MCC: variants seen among roughly 807,000 people sequenced by gnomAD.
The protein encoded by MCC is colorectal mutant cancer protein.
Under a neutral mutation model 116.2 loss-of-function variants are expected in MCC, and 90 were observed. The observed-to-expected ratio is 0.77, with a 90% CI of 0.65 to 0.92. The LOEUF (loss-of-function observed/expected upper bound fraction) is 0.92. Ranked by LOEUF, MCC falls within the 40% of genes least tolerant of loss-of-function variation. The pLI, the probability that MCC is intolerant of heterozygous loss-of-function variation, is 0.00. For missense variants in MCC, 1,516 were observed against 1,312.2 expected, an observed-to-expected ratio of 1.16 and a Z score of -2.40; for synonymous variants, 578 against 510.5, an observed-to-expected ratio of 1.13 and a Z score of -1.78.
intron 1 of MCC, among the ~76,000 whole-genome samples, chr5:113,464,232 A>G (rs1771834866): frequency 6.6e-6 from 1 of 152,208 alleles, no homozygotes; most frequent in Non-Finnish European, 1.5e-5. Context: ...AGAATCAAGC[A>G]GGAAACTCAA....
At chr5:113,047,573 C>T (rs1752179026) in intron 16 of MCC, among the ~76,000 whole-genome samples, 1 of 152,284 alleles carries the variant, frequency 6.6e-6, no homozygotes, top group Non-Finnish European at 1.5e-5. Context: ...GTATATGGCT[C>T]TCCTGGAGAC....
chr5:113,404,524 T>C (rs1274947152), intron 1 of MCC, among the ~76,000 whole-genome samples: 1 of 152,204 alleles, frequency 6.6e-6, no homozygotes, highest in African/African-American at 2.4e-5. Flanking sequence ...TGCTGCAACA[T>C]TCACTGCAGT....
At chr5:113,277,003 A>T (rs1025678345) in intron 3 of MCC, among the ~76,000 whole-genome samples, 1 of 151,904 alleles carries the variant, frequency 6.6e-6, no homozygotes, top group African/African-American at 2.4e-5. Flanking sequence ...GCAGAATATG[A>T]TTCTTTAAAA....
At chr5:113,290,581 C>G (rs1218155468) in intron 3 of MCC, among the ~76,000 whole-genome samples, 1 of 152,114 alleles carries the variant, frequency 6.6e-6, no homozygotes, top group Admixed American at 6.5e-5. Context: ...ATTGTTAAAC[C>G]TTAAGATATC....
intron 1 of MCC, among the ~76,000 whole-genome samples, chr5:113,485,775 T>C (rs1772508674): frequency 6.6e-6 from 1 of 152,242 alleles, no homozygotes; most frequent in Admixed American, 6.5e-5. Flanking sequence ...TACTTGACTA[T>C]GGTTAGGTTA....
At chr5:113,102,887 G>A (rs1756510545) in intron 7 of MCC, among the ~76,000 whole-genome samples, 2 of 151,994 alleles carry the variant, frequency 1.3e-5, no homozygotes, top group African/African-American at 2.4e-5. Flanking sequence ...AGGCCCAGGC[G>A]GGTGGATCAC....
At chr5:113,382,655 G>T (rs534716254) in intron 2 of MCC, among the ~76,000 whole-genome samples, 7 of 152,184 alleles carry the variant, frequency 4.6e-5, no homozygotes, top group African/African-American at 9.6e-5. Context: ...ATAATAATAA[G>T]AATATTAGTT....
intron 13 of MCC, among the ~76,000 whole-genome samples, chr5:113,066,231 C>T (rs1376028367): frequency 1.3e-5 from 2 of 152,128 alleles, no homozygotes; most frequent in Non-Finnish European, 2.9e-5. Flanking sequence ...TGAAAGGTAC[C>T]TTGTGAGGCC....
rs768990131 is a variant in MCC, at chr5:113,122,730, A to G, written c.981T>C (p.Ser327=). The G allele has an allele frequency of 1.2e-6, 2 of 1,614,218 alleles. No homozygotes were observed. The highest frequency in any genetic ancestry group is 1.7e-6 in the Non-Finnish European group (2 of 1,180,020). Residue 327 remains serine, a synonymous_variant, in exon 6 of 19, where the codon TCT becomes TCC. Transcript: ENST00000408903. ...TAGACTGGTTTTCGGGGATAGAGAC[A>G]GAGGTCTGGTCTTGGTCCATGCTTC... ...DSRSMDQDQT[S]VSIPENQSTM...
At chr5:113,086,639 C>T (rs187683789) in intron 8 of MCC, among the ~76,000 whole-genome samples, 1 of 152,262 alleles carries the variant, frequency 6.6e-6, no homozygotes, top group East Asian at 1.9e-4. Flanking sequence ...GAGAAGTATT[C>T]CAAGTAGCTG....
At chr5:113,102,533 G>A (rs1455685029) in intron 7 of MCC, among the ~76,000 whole-genome samples, 1 of 152,202 alleles carries the variant, frequency 6.6e-6, no homozygotes, top group African/African-American at 2.4e-5. Flanking sequence ...CAGAAAAGAG[G>A]AAGCTCATTG....
intron 14 of MCC, among the ~76,000 whole-genome samples, chr5:113,060,032 G>A (rs1318729951): frequency 6.6e-6 from 1 of 152,226 alleles, no homozygotes; most frequent in South Asian, 2.1e-4. Context: ...TGGAAGGCTA[G>A]AAGGACATTT....
chr5:113,339,189 G>A (rs1767945251), intron 3 of MCC, among the ~76,000 whole-genome samples: 1 of 150,292 alleles, frequency 6.7e-6, no homozygotes, highest in African/African-American at 2.5e-5. Context: ...CTGCGCAATT[G>A]CACTCCAGCC....
At chr5:113,063,343 G>A (rs2150229262) in intron 14 of MCC, among the ~76,000 whole-genome samples, 1 of 152,332 alleles carries the variant, frequency 6.6e-6, no homozygotes, top group Non-Finnish European at 1.5e-5. Context: ...TGCTCTGCAA[G>A]GTCTTCGCCG....
chr5:113,111,048 A>G (rs1226597241), intron 6 of MCC, among the ~76,000 whole-genome samples: 6 of 151,882 alleles, frequency 4.0e-5, no homozygotes, highest in Non-Finnish European at 4.4e-5. Context: ...TCTAAATGCA[A>G]TTTTCCTCAG....
At chr5:113,321,967 G>T (rs1177015912) in intron 3 of MCC, among the ~76,000 whole-genome samples, 1 of 152,150 alleles carries the variant, frequency 6.6e-6, no homozygotes, top group Non-Finnish European at 1.5e-5. Context: ...AAGTAGCTAG[G>T]ATTACAGGTG....
At chr5:113,286,702 G>T (rs746478407) in intron 3 of MCC, among the ~76,000 whole-genome samples, 5 of 152,098 alleles carry the variant, frequency 3.3e-5, no homozygotes, top group Non-Finnish European at 7.4e-5. Context: ...TTTTGGTATG[G>T]CAATTGGAAT....
At chr5:113,214,657 G>T (rs934910546) in intron 3 of MCC, among the ~76,000 whole-genome samples, 3 of 152,162 alleles carry the variant, frequency 2.0e-5, no homozygotes, top group African/African-American at 7.2e-5. Flanking sequence ...TACTCACTCA[G>T]TTCAAGTCAT....
chr5:113,178,135 A>T (rs1761432955), intron 3 of MCC, among the ~76,000 whole-genome samples: 1 of 152,214 alleles, frequency 6.6e-6, no homozygotes, highest in Non-Finnish European at 1.5e-5. Flanking sequence ...AGGGAAGAGA[A>T]GCTGCAGAAA....
Sources: gnomAD v4.1 joint callset for allele counts (sites outside exome capture counted in the v4.1 genomes callset) on GRCh38, gnomAD v4.1.1 for gene constraint, MANE v1.5 for transcripts, NCBI Gene and HGNC (gene_info 2026-07-23, HGNC 2026-07-21) for gene names.